The following WAPL variants were observed in gnomAD, a reference collection of about 807,000 sequenced individuals.
WAPL encodes the protein WAPL cohesin release factor, also known as wings apart-like protein homolog.
In WAPL, 5 loss-of-function variants were observed where a neutral mutation model predicts 121.0. The observed-to-expected ratio is 0.04, with a 90% confidence interval of 0.02 to 0.09. The LOEUF (loss-of-function observed/expected upper bound fraction) is 0.09, where lower values mean the gene tolerates loss of function less well. Ranked by LOEUF, WAPL falls within the 10% of genes least tolerant of loss-of-function variation. The pLI is 1.00. For synonymous variants in WAPL, 480 were observed against 481.5 expected, an observed-to-expected ratio of 1.00 and a Z score of 0.04; for missense variants, 999 against 1,410.8, an observed-to-expected ratio of 0.71 and a Z score of 4.68.
intron 9 of WAPL, among the ~76,000 whole-genome samples, chr10:86,464,104 TATTC>T (rs1841347054): frequency 1.3e-5 from 2 of 152,222 alleles, no homozygotes; most frequent in South Asian, 4.1e-4. Context: ...CATACCAATA[TATTC>T]AAGAAATTAA....
At position 86,437,627 on chromosome 10, in the gene WAPL, G is replaced by C. The variant is rs768008214; in HGVS notation, c.3508-19C>G. The C allele has an allele frequency of 6.2e-7, 1 of 1,612,060 alleles. No homozygotes were observed. ...CAGCACACTGAAAGCAGGGTGAAGGGGAAAGGAAGTAACAGTTAATATTTA... is the reference window on the plus strand; with the variant it reads ...CAGCACACTGAAAGCAGGGTGAAGGCGAAAGGAAGTAACAGTTAATATTTA... On this transcript the variant is annotated intron_variant, in intron 18 of 18. Transcript: ENST00000298767.
intron 3 of WAPL, among the ~76,000 whole-genome samples, chr10:86,498,062 A>G (rs1014867839): frequency 6.6e-6 from 1 of 152,222 alleles, no homozygotes; most frequent in Non-Finnish European, 1.5e-5. Context: ...AATGGCCTCT[A>G]ATTTTCAAAT....
At chr10:86,474,855 A>G (rs1051336895) in intron 4 of WAPL, among the ~76,000 whole-genome samples, 4 of 152,252 alleles carry the variant, frequency 2.6e-5, no homozygotes, top group African/African-American at 9.6e-5. Context: ...GCAGTTTATG[A>G]CAGACAATGC....
Position 86,500,107 on chromosome 10 carries a change from C to G in WAPL, c.1136G>C (p.Arg379Pro). ...GGATGCAGTGAACTCATCCATGCTGCGTTCCATAGTATCCTGTATGGTAAC... is the reference window on the plus strand; with the variant it reads ...GGATGCAGTGAACTCATCCATGCTGGGTTCCATAGTATCCTGTATGGTAAC... ...CNVTIQDTME[R>P]SMDEFTASTP... is the part of the protein sequence containing the mutation. Residue 379 changes from arginine to proline, a missense_variant, in exon 3 of 19, where the codon CGC (arginine) becomes CCC (proline). Around this residue, in one of 7 missense-constraint regions of WAPL, gnomAD observed 531 missense variants for 563.1 expected, o/e 0.94. Coordinates refer to ENST00000298767, the MANE Select transcript of WAPL (RefSeq NM_015045.5). 6.2e-7 allele frequency: 1 copy of G among 1,614,158 alleles called. No homozygotes were observed. The highest frequency in any genetic ancestry group is 8.5e-7 in the Non-Finnish European group (1 of 1,180,036).
intron 8 of WAPL, 37 bp from the exon 9 acceptor site, chr10:86,467,543 C>G (rs767638175): frequency 1.3e-6 from 2 of 1,497,508 alleles, no homozygotes; most frequent in Admixed American, 2.0e-5. Flanking sequence ...AAAAAAACTT[C>G]ATGTAAGCAA....
In WAPL at chr10:86,441,201, T is replaced by C. The variant is rs147595251; in HGVS notation, c.3411+2074A>G. 4.9e-3 allele frequency among the ~76,000 whole-genome samples: 743 copies of C among 152,314 alleles called. 7 individuals carry two copies. The highest frequency in any genetic ancestry group is 0.017 in the African/African-American group (695 of 41,570). ...TTTACACTTAAAAATAATCCACCTA[T>C]GCCCAACCCCCCATCTGAAAGAGAA... On this transcript the variant is annotated intron_variant, in intron 17 of 18. Transcript: ENST00000298767.
Position 86,517,575 on chromosome 10 carries a change from A to G in WAPL, c.495T>C (p.Thr165=). 1 of 1,601,446 alleles carries G rather than the reference A, an allele frequency of 6.2e-7. No homozygotes were observed. Among genetic ancestry groups the G allele is most frequent in the Non-Finnish European group, 8.5e-7 (1 of 1,173,002 alleles). ...ASISSCNKLI[T]SDKVENFHEE... Reference sequence around the variant, plus strand: ...ATAAAGAAAATCAAAACTTACCTGAAGTTATTAATTTATTACAGCTACTTA... The same window carrying G: ...ATAAAGAAAATCAAAACTTACCTGAGGTTATTAATTTATTACAGCTACTTA... Residue 165 remains threonine, a synonymous_variant, in exon 2 of 19, where the codon ACT becomes ACC. Transcript: ENST00000298767.
At chr10:86,484,078 G>A (rs1048828514) in intron 4 of WAPL, among the ~76,000 whole-genome samples, 1 of 152,028 alleles carries the variant, frequency 6.6e-6, no homozygotes, top group African/African-American at 2.4e-5. Context: ...AAAGCTTACG[G>A]AATAAAGATA....
rs144987556 is a variant in WAPL at position 86,499,745 on chromosome 10, C to A, written c.1498G>T (p.Asp500Tyr). 7.9e-5 allele frequency: 126 copies of A among 1,594,200 alleles called. No homozygotes were observed. The highest frequency in any genetic ancestry group is 1.1e-4 in the Non-Finnish European group (124 of 1,173,884). Residue 500 changes from aspartate to tyrosine, a missense_variant, in exon 3 of 19, where the codon GAC (aspartate) becomes TAC (tyrosine). Asp to Tyr is a radical substitution (Grantham distance 160). Around this residue, in one of 7 missense-constraint regions of WAPL, gnomAD observed 531 missense variants for 563.1 expected, o/e 0.94. Coordinates refer to ENST00000298767, the MANE Select transcript of WAPL (RefSeq NM_015045.5). ...GCATTGTTAGTACCAGACTGACTGT[C>A]CTGGGAATTATCATTGCTTTCTGGG... is the stretch of plus-strand genomic sequence containing the variant. ...PPPESNDNSQ[D>Y]SQSGTNNAEN...
At chr10:86,497,067 G>GA (rs1206355456) in intron 4 of WAPL, 134 bp downstream of exon 4, 77 of 722,374 alleles carry the variant, frequency 1.1e-4, no homozygotes, top group Non-Finnish European at 1.7e-4. Flanking sequence ...GGTTATATCT[G>GA]AAAAAACGAC....
At chr10:86,519,750 T>C (rs1337393259) in intron 1 of WAPL, among the ~76,000 whole-genome samples, 1 of 152,160 alleles carries the variant, frequency 6.6e-6, no homozygotes, top group Non-Finnish European at 1.5e-5. Context: ...AAAGCTGAGA[T>C]CCTGCAGGTC....
At chr10:86,461,327 G>A in intron 9 of WAPL, 40 bp from the exon 10 acceptor site, 1 of 1,493,536 alleles carries the variant, frequency 6.7e-7, no homozygotes, top group Non-Finnish European at 9.2e-7. Flanking sequence ...TCAACTTTTA[G>A]CAATAACTCT....
chr10:86,483,794 CTTTTTTTT>C (rs35725128), intron 4 of WAPL, among the ~76,000 whole-genome samples: 8 of 69,180 alleles, frequency 1.2e-4, no homozygotes, highest in African/African-American at 2.3e-4. Flanking sequence ...ATTTTTTTTT[CTTTTTTTT>C]TTTTTTTTTT....
At chr10:86,510,611 A>G (rs1842443782) in intron 2 of WAPL, among the ~76,000 whole-genome samples, 1 of 152,190 alleles carries the variant, frequency 6.6e-6, no homozygotes, top group Admixed American at 6.5e-5. Context: ...TTAATATACA[A>G]ACCTTGAGAA....
chr10:86,461,096 A>T (rs1841261296), intron 10 of WAPL, 80 bp downstream of exon 10: 1 of 1,076,980 alleles, frequency 9.3e-7, no homozygotes. Flanking sequence ...TGATACAATT[A>T]TTTTTTGAAG....
At chr10:86,451,394 T>G (rs1840975162) in intron 15 of WAPL, among the ~76,000 whole-genome samples, 1 of 142,968 alleles carries the variant, frequency 7.0e-6, no homozygotes, top group Non-Finnish European at 1.5e-5. Flanking sequence ...TATACCACCT[T>G]TTTTTTTTTT....
intron 12 of WAPL, among the ~76,000 whole-genome samples, chr10:86,454,084 T>C (rs1841071427): frequency 6.6e-6 from 1 of 152,212 alleles, no homozygotes; most frequent in Admixed American, 6.5e-5. Context: ...ATCTCTCCAA[T>C]ATAAGAGACA....
intron 2 of WAPL, among the ~76,000 whole-genome samples, chr10:86,507,741 C>T (rs1172804840): frequency 6.6e-6 from 1 of 151,498 alleles, no homozygotes; most frequent in Admixed American, 6.6e-5. Flanking sequence ...TTAATCACAA[C>T]CTACCAACCA....
intron 4 of WAPL, among the ~76,000 whole-genome samples, chr10:86,483,785 T>A (rs7086597): frequency 5.5e-3 from 394 of 72,030 alleles, no homozygotes; most frequent in Middle Eastern, 0.021. Flanking sequence ...AAAAAAAAAA[T>A]TTTTTTTTCT....
Sources: gnomAD v4.1 joint callset for allele counts (sites outside exome capture counted in the v4.1 genomes callset) on GRCh38, gnomAD v4.1.1 for gene constraint, gnomAD v4.1.1 regional missense constraint, MANE v1.5 for transcripts, NCBI Gene and HGNC (gene_info 2026-07-23, HGNC 2026-07-21) for gene names.